CELSR1: variants seen among roughly 807,000 people sequenced by gnomAD.
CELSR1 encodes adhesion G protein-coupled receptor C1.
Under a neutral mutation model 249.1 loss-of-function variants are expected in CELSR1, and 110 were observed. The observed-to-expected ratio is 0.44, with a 90% CI of 0.38 to 0.52. The LOEUF (loss-of-function observed/expected upper bound fraction) is 0.52, where lower values mean the gene tolerates loss of function less well. CELSR1 is among the 20% of genes least tolerant of loss of function. The pLI, the probability that CELSR1 is intolerant of heterozygous loss-of-function variation, is 0.00. For missense variants in CELSR1, 4,109 were observed against 4,296.4 expected (o/e 0.96, Z 1.22); for synonymous variants, 2,113 against 1,900.0 (o/e 1.11, Z -2.92).
chr22:46,370,038 G>T, intron 25 of CELSR1: 1 of 618,340 alleles, frequency 1.6e-6, no homozygotes, highest in Non-Finnish European at 3.0e-6. Flanking sequence ...GCCCCATGAG[G>T]CAGGGGGCGT....
At chr22:46,449,607 T>C (rs964849012) in intron 2 of CELSR1, among the ~76,000 whole-genome samples, 1 of 152,220 alleles carries the variant, frequency 6.6e-6, no homozygotes, top group Non-Finnish European at 1.5e-5. Context: ...AGTGGGGTTA[T>C]AAGAATGAAC....
chr22:46,370,375 GAT>G (rs2078838774), intron 25 of CELSR1: 1 of 326,456 alleles, frequency 3.1e-6, no homozygotes, highest in South Asian at 2.3e-5. Context: ...ACGCATCACA[GAT>G]ATACACACAC....
chr22:46,498,544 C>T (rs1013378149), intron 1 of CELSR1, among the ~76,000 whole-genome samples: 2 of 147,726 alleles, frequency 1.4e-5, no homozygotes, highest in Non-Finnish European at 3.0e-5. Context: ...ATCCAGGAGG[C>T]GGAGGTTGTA....
chr22:46,469,994 G>GGGAGGAGGAGGGGAGGGA (rs2080138690), intron 1 of CELSR1, among the ~76,000 whole-genome samples: 1 of 137,850 alleles, frequency 7.3e-6, no homozygotes. Flanking sequence ...AGGGGAGGGA[G>GGGAGGAGGAGGGGAGGGA]GGAGGGAGAG....
chr22:46,521,966 C>T (rs1449915375), intron 1 of CELSR1, among the ~76,000 whole-genome samples: 1 of 152,246 alleles, frequency 6.6e-6, no homozygotes, highest in East Asian at 1.9e-4. Flanking sequence ...ACTCCACCAA[C>T]AGGGCAAAAG....
Position 46,393,987 on chromosome 22 carries a change from T to A in CELSR1, c.5964+155A>T, listed in dbSNP as rs1220351581. Among the ~76,000 whole-genome samples the A allele has an allele frequency of 6.6e-6, 1 of 152,122 alleles. No individual in the cohort carries two copies. The highest frequency in any genetic ancestry group is 1.9e-4 in the East Asian group (1 of 5,192). The stretch of plus-strand genomic sequence containing the variant: ...AGCAGCAAGGAAACCAAAAACCACA[T>A]CTGTACACAAATGTGATGTGAGTGG... On this transcript the variant is annotated intron_variant, in intron 14 of 34. Transcript: ENST00000674500. This position sits in a 1 kb window ranked among gnomAD's most constrained non-coding sequence, Gnocchi z 4.1.
Position 46,409,794 on chromosome 22 carries a change from C to A in CELSR1, c.5020G>T (p.Glu1674Ter). The change falls in exon 8 of 35, where the codon GAG becomes TAG. Residue 1674 changes from glutamate (E) to a stop codon, truncating the protein, a stop_gained. Transcript: ENST00000674500. LOFTEE classifies it high-confidence loss of function. The surrounding 1 kb of genome is among the most constrained non-coding windows in gnomAD (Gnocchi z 9.8). Reference protein sequence around the residue: ...CVNRWNMYLCECPLRFGGKNC... With the variant: ...CVNRWNMYLC The stretch of plus-strand genomic sequence containing the variant: ...TTCCCGCCGAATCGGAGTGGACACT[C>A]ACACAGATACATATTCCACCTGTTG... 6.2e-7 allele frequency: 1 copy of A among 1,613,956 alleles called. No homozygotes were observed. Among genetic ancestry groups the A allele is most frequent in the Non-Finnish European group, 8.5e-7 (1 of 1,179,996 alleles).
At position 46,427,004 on chromosome 22, in the gene CELSR1, G is replaced by C. The variant is rs1286653161; in HGVS notation, c.4611+6389C>G. Among the ~76,000 whole-genome samples the C allele has an allele frequency of 6.6e-6, 1 of 152,198 alleles. No homozygotes were observed. The highest frequency in any genetic ancestry group is 1.5e-5 in the Non-Finnish European group (1 of 68,038). On this transcript the variant is annotated intron_variant, in intron 5 of 34. Transcript: ENST00000674500. The surrounding 1 kb of genome is among the most constrained non-coding windows in gnomAD (Gnocchi z 4.2). ...CAGGGGGATGTGAATGTGCAGAGCA[G>C]AGCAAACGCAGCAGTGCTCCAGTGA...
intron 5 of CELSR1, among the ~76,000 whole-genome samples, chr22:46,420,683 C>T (rs572521352): frequency 1.3e-3 from 196 of 152,336 alleles, no homozygotes; most frequent in African/African-American, 4.4e-3. Flanking sequence ...TCATGGCCTG[C>T]TCCTGTAAAG....
Position 46,436,202 on chromosome 22 carries a change from G to C in CELSR1, c.4494C>G (p.Asp1498Glu). ...CAGAGAAGGTGAGCTGCACCTGCTC[G>C]TCCACGATCTCCAGGGCGATGAAGT... Reference protein sequence around the residue: ...KHDFIALEIVDEQVQLTFSAG... With the variant: ...KHDFIALEIVEEQVQLTFSAG... Residue 1498 changes from aspartate (D) to glutamate (E), a missense_variant, in exon 4 of 35, where the codon GAC becomes GAG. Physicochemically the swap from Asp to Glu is conservative, Grantham distance 45. This residue lies in a region of CELSR1 where 453 missense variants were observed against 492.0 expected (regional missense o/e 0.92). Coordinates refer to ENST00000674500, the MANE Select transcript of CELSR1 (RefSeq NM_001378328.1). This position sits in a 1 kb window ranked among gnomAD's most constrained non-coding sequence, Gnocchi z 5.9. 6.2e-7 allele frequency: 1 copy of C among 1,614,032 alleles called. No individual in the cohort carries two copies. Among genetic ancestry groups the C allele is most frequent in the Non-Finnish European group, 8.5e-7 (1 of 1,179,976 alleles).
rs767794690 is a variant in CELSR1 at position 46,396,652 on chromosome 22, G to A, written c.5796C>T (p.Tyr1932=). 6 of 1,611,410 alleles carry A rather than the reference G, an allele frequency of 3.7e-6. No individual in the cohort carries two copies. The highest frequency in any genetic ancestry group is 2.2e-5 in the East Asian group (1 of 44,838). Residue 1932 remains tyrosine, a synonymous_variant, in exon 13 of 35, where the codon TAC becomes TAT. Transcript: ENST00000674500. This position sits in a 1 kb window ranked among gnomAD's most constrained non-coding sequence, Gnocchi z 6.4. ...CVRSPGSPQG[Y]VCECGPSHYG... ...AGTGACTGGGCCCACACTCGCACAC[G>A]TAGCCCTGCGGGGAGCCGGGGGAGC... is the stretch of plus-strand genomic sequence containing the variant.
chr22:46,431,532 G>A (rs2079595623), intron 5 of CELSR1, among the ~76,000 whole-genome samples: 1 of 152,196 alleles, frequency 6.6e-6, no homozygotes, highest in Non-Finnish European at 1.5e-5. Context: ...TGACGATGGG[G>A]CACCGTCTCC....
rs1026098382 is a variant in CELSR1 at position 46,391,124 on chromosome 22, G to A, written c.6250+62C>T. ...AACATTCCATGAGTCCCCACATCTC[G>A]ACTGGCTCCTCCCACAAGGACGCCT... On this transcript the variant is annotated intron_variant, in intron 16 of 34. Coordinates refer to ENST00000674500, the MANE Select transcript of CELSR1 (RefSeq NM_001378328.1). The surrounding 1 kb of genome is among the most constrained non-coding windows in gnomAD (Gnocchi z 4.3). The A allele has an allele frequency of 1.6e-5, 22 of 1,365,828 alleles. No individual in the cohort carries two copies. Among genetic ancestry groups the A allele is most frequent in the South Asian group, 1.4e-4 (12 of 83,840 alleles). 84.6% of individuals were successfully genotyped at this position (1,365,828 alleles called of 1,614,324 possible). A position where few individuals can be genotyped will look rare whatever the true frequency, so the allele number is the denominator to read the frequency against.
chr22:46,524,677 C>G (rs1291157550), intron 1 of CELSR1, among the ~76,000 whole-genome samples: 1 of 152,074 alleles, frequency 6.6e-6, no homozygotes, highest in Non-Finnish European at 1.5e-5. Flanking sequence ...TGCTGTGGGG[C>G]TTTTCCCAGC....
Position 46,393,362 on chromosome 22 carries a change from C to T in CELSR1, c.5964+780G>A, listed in dbSNP as rs1209919904. 6.6e-6 allele frequency among the ~76,000 whole-genome samples: 1 copy of T among 152,254 alleles called. No individual in the cohort carries two copies. The highest frequency in any genetic ancestry group is 1.5e-5 in the Non-Finnish European group (1 of 68,044). On this transcript the variant is annotated intron_variant, in intron 14 of 34. Transcript: ENST00000674500. The surrounding 1 kb of genome is among the most constrained non-coding windows in gnomAD (Gnocchi z 4.1). Reference sequence around the variant, plus strand: ...TGCATGCAGGTTAGGACTGACCGCCCTGGACAGGCGTGGGGCATAACGCAC... The same window carrying T: ...TGCATGCAGGTTAGGACTGACCGCCTTGGACAGGCGTGGGGCATAACGCAC...
At chr22:46,369,109 G>C (rs551469838) in intron 27 of CELSR1, 70 bp downstream of exon 27, 2 of 1,499,590 alleles carry the variant, frequency 1.3e-6, no homozygotes, top group African/African-American at 1.4e-5. Context: ...GCCCCACCCC[G>C]CAGAGACTGG....
chr22:46,364,421 ACCAGCC>A, intron 33 of CELSR1, 85 bp downstream of exon 33: 1 of 1,504,194 alleles, frequency 6.6e-7, no homozygotes, highest in Non-Finnish European at 9.0e-7. Flanking sequence ...GACTTGCCCC[ACCAGCC>A]CCAGCCCCAC....
chr22:46,493,494 C>G (rs1387550057), intron 1 of CELSR1, among the ~76,000 whole-genome samples: 1 of 149,276 alleles, frequency 6.7e-6, no homozygotes, highest in East Asian at 2.0e-4. Context: ...TGCAGTGAGC[C>G]AAGATCATGC....
At chr22:46,522,913 C>T (rs929065941) in intron 1 of CELSR1, among the ~76,000 whole-genome samples, 5 of 152,258 alleles carry the variant, frequency 3.3e-5, no homozygotes, top group African/African-American at 1.2e-4. Flanking sequence ...TGGGAGAACA[C>T]CTGCTCAGCG....
Sources: gnomAD v4.1 joint callset for allele counts (sites outside exome capture counted in the v4.1 genomes callset) on GRCh38, gnomAD v4.1.1 for gene constraint, gnomAD v4.1.1 regional missense constraint, Gnocchi (gnomAD v3.1) non-coding constraint, MANE v1.5 for transcripts, NCBI Gene and HGNC (gene_info 2026-07-23, HGNC 2026-07-21) for gene names.